Variants in GRID2 observed in about 807,000 individuals in gnomAD.
GRID2 encodes glutamate ionotropic receptor delta type subunit 2.
In GRID2, 33 loss-of-function variants were observed where a neutral mutation model predicts 114.8. That is an observed-to-expected ratio of 0.29 (90% CI 0.22 to 0.38). The LOEUF is 0.38. Among genes scored for constraint, GRID2 ranks in the 10% least tolerant of loss-of-function variants. The pLI is 1.00. For missense variants in GRID2, 1,184 were observed against 1,257.7 expected (o/e 0.94, Z 0.89); for synonymous variants, 505 against 449.9 (o/e 1.12, Z -1.55).
chr4:92,591,530 A>T (rs1312204049), intron 2 of GRID2, among the ~76,000 whole-genome samples: 2 of 152,226 alleles, frequency 1.3e-5, no homozygotes, highest in Admixed American at 6.5e-5. Context: ...GAAAAGGCAG[A>T]TACCATATTA....
intron 1 of GRID2, among the ~76,000 whole-genome samples, chr4:92,579,108 C>G (rs1728051479): frequency 6.6e-6 from 1 of 152,096 alleles, no homozygotes; most frequent in Non-Finnish European, 1.5e-5. Flanking sequence ...TGTACTTCAA[C>G]TATGGTCTTC....
intron 13 of GRID2, among the ~76,000 whole-genome samples, chr4:93,527,037 TG>T (rs1175975227): frequency 7.2e-5 from 11 of 152,204 alleles, no homozygotes; most frequent in Non-Finnish European, 1.5e-4. Context: ...TCGCTTTCTG[TG>T]GCTCCCAGTC....
At chr4:92,978,474 T>C (rs897379359) in intron 2 of GRID2, among the ~76,000 whole-genome samples, 1 of 152,078 alleles carries the variant, frequency 6.6e-6, no homozygotes, top group African/African-American at 2.4e-5. Context: ...AAGAAACTTA[T>C]TTCCATTTTT....
chr4:93,449,206 T>C (rs1722446927), intron 10 of GRID2, among the ~76,000 whole-genome samples: 1 of 151,926 alleles, frequency 6.6e-6, no homozygotes, highest in Non-Finnish European at 1.5e-5. Flanking sequence ...AACAGTTTAG[T>C]AAGTTAGATA....
intron 8 of GRID2, among the ~76,000 whole-genome samples, chr4:93,377,644 T>C (rs1763494650): frequency 6.6e-6 from 1 of 152,200 alleles, no homozygotes; most frequent in Non-Finnish European, 1.5e-5. Context: ...TTGTACCAAA[T>C]ATATTTCAAA....
At position 93,057,665 on chromosome 4, in the gene GRID2, C is replaced by A. The variant is rs72885766; in HGVS notation, c.245-27330C>A. 3.3e-3 allele frequency among the ~76,000 whole-genome samples: 507 copies of A among 152,002 alleles called. 4 individuals are homozygous for A. The highest frequency in any genetic ancestry group is 0.011 in the African/African-American group (472 of 41,512). ...CAACTGTGTCAATGAACTCCCCTAGCCTCAAACTAGTCTGGGAAGAAGAGT... is the reference window on the plus strand; with the variant it reads ...CAACTGTGTCAATGAACTCCCCTAGACTCAAACTAGTCTGGGAAGAAGAGT... On this transcript the variant is annotated intron_variant, in intron 2 of 15. Transcript: ENST00000282020.
intron 2 of GRID2, among the ~76,000 whole-genome samples, chr4:92,708,582 AT>A (rs201132034): frequency 6.6e-6 from 1 of 152,122 alleles, no homozygotes; most frequent in Admixed American, 6.6e-5. Flanking sequence ...ATTGTGTCTA[AT>A]TTTTTTGGAA....
At chr4:93,440,374 A>G (rs1721512136) in intron 10 of GRID2, among the ~76,000 whole-genome samples, 1 of 152,036 alleles carries the variant, frequency 6.6e-6, no homozygotes, top group Admixed American at 6.6e-5. Flanking sequence ...AAAAGAAGGG[A>G]AGCCCTTATA....
rs1400853226 is a variant in GRID2, at chr4:92,611,860, A to G, written c.244+21574A>G. ...TTGAGGTTTTTTGACAATCTTATTT[A>G]TTTTGAAGTATTCCTTTATAATCTT... is the stretch of plus-strand genomic sequence containing the variant. On this transcript the variant is annotated intron_variant, in intron 2 of 15. Transcript: ENST00000282020. Among the ~76,000 whole-genome samples the G allele has an allele frequency of 3.3e-5, 5 of 151,242 alleles. No homozygotes were observed. The Admixed American group carries it at 3.3e-4, about 10-fold the overall frequency.
intron 2 of GRID2, among the ~76,000 whole-genome samples, chr4:92,651,870 AT>A (rs1731951058): frequency 6.6e-6 from 1 of 152,080 alleles, no homozygotes; most frequent in Non-Finnish European, 1.5e-5. Flanking sequence ...ATGTCTGCAT[AT>A]TGTGCAGAAC....
chr4:93,791,742 C>CTCTA (rs1281533154), intron 1 of GRID2, among the ~76,000 whole-genome samples: 1 of 152,156 alleles, frequency 6.6e-6, no homozygotes, highest in African/African-American at 2.4e-5. Flanking sequence ...GGGCCTCCTC[C>CTCTA]TCTAGTACAG....
At chr4:93,007,045 T>G (rs1721611230) in intron 2 of GRID2, among the ~76,000 whole-genome samples, 1 of 151,560 alleles carries the variant, frequency 6.6e-6, no homozygotes, top group Admixed American at 6.6e-5. Flanking sequence ...TACAAAGATG[T>G]GAAATGAAAT....
intron 14 of GRID2, among the ~76,000 whole-genome samples, chr4:93,682,772 G>T (rs1268233737): frequency 6.8e-6 from 1 of 148,122 alleles, no homozygotes; most frequent in African/African-American, 2.5e-5. Context: ...CACACTCTGG[G>T]GACTGTTGTG....
intron 1 of GRID2, among the ~76,000 whole-genome samples, chr4:92,421,754 A>G (rs1024871283): frequency 6.6e-6 from 1 of 152,082 alleles, no homozygotes; most frequent in African/African-American, 2.4e-5. Context: ...TTCCTATCCC[A>G]AATCTTGCAC....
intron 2 of GRID2, among the ~76,000 whole-genome samples, chr4:92,664,403 C>T (rs1732667560): frequency 6.6e-6 from 1 of 150,826 alleles, no homozygotes; most frequent in Non-Finnish European, 1.5e-5. Context: ...CTTCTATTAT[C>T]GATTTCTAAA....
chr4:92,822,179 G>A (rs12640873), intron 2 of GRID2: 16 of 416,498 alleles, frequency 3.8e-5, no homozygotes, highest in East Asian at 2.6e-4. Flanking sequence ...CTGTGGTAGC[G>A]CAGAACCAGT....
rs548562372 is a variant in GRID2 at position 93,105,448 on chromosome 4, G to A, written c.530-5300G>A. ...GGGTTTTTATGGTTTTAGGTCTAAC[G>A]TTTAAGTCTTTAATCCATCTTGAAT... is the stretch of plus-strand genomic sequence containing the variant. On this transcript the variant is annotated intron_variant, in intron 3 of 15. Coordinates refer to ENST00000282020, the MANE Select transcript of GRID2 (RefSeq NM_001510.4). 6.0e-4 allele frequency among the ~76,000 whole-genome samples: 92 copies of A among 152,176 alleles called. 2 individuals are homozygous for A. The Middle Eastern group carries it at 0.017, about 28-fold the overall frequency.
intron 13 of GRID2, among the ~76,000 whole-genome samples, chr4:93,618,034 A>C (rs750820841): frequency 6.6e-6 from 1 of 152,156 alleles, no homozygotes; most frequent in Non-Finnish European, 1.5e-5. Flanking sequence ...TGCCTCCCTG[A>C]AAGTTTACTC....
intron 1 of GRID2, among the ~76,000 whole-genome samples, chr4:92,545,729 A>G (rs1020505120): frequency 6.6e-6 from 1 of 152,182 alleles, no homozygotes; most frequent in African/African-American, 2.4e-5. Flanking sequence ...TTTATGTAAC[A>G]GATAAAGTGG....
Sources: allele counts gnomAD v4.1 joint callset (sites outside exome capture counted in the v4.1 genomes callset), GRCh38; gene constraint gnomAD v4.1.1; transcripts MANE v1.5; gene names NCBI Gene and HGNC (gene_info 2026-07-23, HGNC 2026-07-21).